The following STK32A variants were observed in gnomAD, a reference collection of about 807,000 sequenced individuals.
STK32A encodes serine/threonine kinase 32A.
A neutral mutation model predicts 53.2 loss-of-function variants in STK32A; 41 were observed. The ratio of observed to expected loss-of-function variants is 0.77; its 90% CI spans 0.60 to 1.00. The LOEUF is 1.00. Ranked by LOEUF, STK32A falls within the 50% of genes least tolerant of loss-of-function variation. The pLI is 0.00. For missense variants in STK32A, 458 were observed against 485.8 expected, an observed-to-expected ratio of 0.94 and a Z score of 0.54; for synonymous variants, 166 against 162.8, an observed-to-expected ratio of 1.02 and a Z score of -0.15.
rs554029132 is a variant in STK32A, at chr5:147,263,687, G to T, written c.53-14437G>T. Among the ~76,000 whole-genome samples the T allele has an allele frequency of 2.6e-4, 39 of 152,080 alleles. 1 individual carries two copies. The highest frequency in any genetic ancestry group is 9.2e-4 in the African/African-American group (38 of 41,520). On this transcript the variant is annotated intron_variant, in intron 2 of 12. Transcript: ENST00000397936. ...ATTTCCAGAATAATGAGCAAACAAA[G>T]ATATAAAATAAGGGTAAATATAAGA... is the stretch of plus-strand genomic sequence containing the variant.
At chr5:147,356,524 C>T (rs901674731) in intron 7 of STK32A, among the ~76,000 whole-genome samples, 1 of 152,008 alleles carries the variant, frequency 6.6e-6, no homozygotes, top group Admixed American at 6.6e-5. Context: ...ATGCCAGAGC[C>T]CTAACTCTTA....
At chr5:147,335,576 T>C (rs1185319760) in intron 5 of STK32A, among the ~76,000 whole-genome samples, 1 of 152,124 alleles carries the variant, frequency 6.6e-6, no homozygotes, top group Non-Finnish European at 1.5e-5. Context: ...CTCAAAACTT[T>C]CCCCAGGACA....
rs1219470888 is a variant in STK32A at position 147,373,293 on chromosome 5, A to T, written c.902A>T (p.Asn301Ile). The change falls in exon 10 of 13, where the codon AAT becomes ATT. Residue 301 changes from asparagine to isoleucine, a missense_variant and splice_region_variant. Physicochemically the swap from Asn to Ile is moderately radical, Grantham distance 149. Transcript: ENST00000397936. Reference protein sequence around the residue: ...QKRLIPGFIPNKGRLNCDPTF... With the variant: ...QKRLIPGFIPIKGRLNCDPTF... ...AGGCTCATTCCAGGTTTCATTCCTA[A>T]TGTGAGTCAATCCTAACAAAGCCAA... 1 of 1,613,144 alleles carries T rather than the reference A, an allele frequency of 6.2e-7. No homozygotes were observed. The highest frequency in any genetic ancestry group is 8.5e-7 in the Non-Finnish European group (1 of 1,179,420).
Position 147,375,200 on chromosome 5 carries a change from G to C in STK32A, c.1014G>C (p.Arg338Ser). The change falls in exon 11 of 13, where the codon AGG becomes AGC. Residue 338 changes from arginine (R) to serine (S), a missense_variant. Coordinates refer to ENST00000397936, the MANE Select transcript of STK32A (RefSeq NM_001112724.2). ...KRLAKKEKDM[R>S]KCDSSQTCLL... ...TGGCAAAGAAGGAGAAGGATATGAG[G>C]AAATGCGATTCTTCTCAGGTAAGCA... The C allele has an allele frequency of 6.2e-7, 1 of 1,610,416 alleles. No homozygotes were observed. The highest frequency in any genetic ancestry group is 1.3e-5 in the African/African-American group (1 of 74,916).
chr5:147,269,908 T>C (rs1754957886), intron 2 of STK32A, among the ~76,000 whole-genome samples: 1 of 152,208 alleles, frequency 6.6e-6, no homozygotes, highest in Admixed American at 6.5e-5. Flanking sequence ...AATCAGTTGT[T>C]TTAACTTTTA....
intron 5 of STK32A, among the ~76,000 whole-genome samples, chr5:147,335,274 G>A (rs1167543979): frequency 6.6e-6 from 1 of 152,102 alleles, no homozygotes; most frequent in East Asian, 1.9e-4. Context: ...GTCTCAGAAC[G>A]TTCTATTACC....
intron 5 of STK32A, among the ~76,000 whole-genome samples, chr5:147,338,958 A>G (rs541848922): frequency 1.3e-5 from 2 of 152,386 alleles, no homozygotes; most frequent in African/African-American, 4.8e-5. Context: ...ATAAAAGTTC[A>G]GAAAATTTAT....
At chr5:147,307,962 A>G (rs1055210734) in intron 4 of STK32A, among the ~76,000 whole-genome samples, 2 of 152,070 alleles carry the variant, frequency 1.3e-5, no homozygotes, top group African/African-American at 4.8e-5. Flanking sequence ...TCAGTAATTC[A>G]TCTTTGGATT....
At chr5:147,367,504 A>C (rs1413352876) in intron 8 of STK32A, among the ~76,000 whole-genome samples, 1 of 152,172 alleles carries the variant, frequency 6.6e-6, no homozygotes, top group East Asian at 1.9e-4. Context: ...CGAAAAGAGA[A>C]TCAGCGAAGG....
intron 4 of STK32A, among the ~76,000 whole-genome samples, chr5:147,316,488 A>G (rs79379503): frequency 6.6e-6 from 1 of 152,200 alleles, no homozygotes; most frequent in East Asian, 1.9e-4. Context: ...CTATGTTCCT[A>G]CTGGCTGAAG....
chr5:147,364,215 CAAAA>C (rs764357691), intron 8 of STK32A, among the ~76,000 whole-genome samples: 2 of 66,872 alleles, frequency 3.0e-5, no homozygotes, highest in Non-Finnish European at 6.1e-5. Flanking sequence ...AACTCCATCT[CAAAA>C]AAAAAAAAAA....
At chr5:147,326,112 C>T (rs1754574404) in intron 5 of STK32A, among the ~76,000 whole-genome samples, 1 of 152,176 alleles carries the variant, frequency 6.6e-6, no homozygotes, top group Non-Finnish European at 1.5e-5. Flanking sequence ...AAAACAACAA[C>T]AAAAATATTG....
In STK32A at chr5:147,355,087, G is replaced by C. The variant is rs118064880; in HGVS notation, c.562+3933G>C. On this transcript the variant is annotated intron_variant, in intron 7 of 12. Transcript: ENST00000397936. Reference sequence around the variant, plus strand: ...TAGGATACTAAGTAGCAATTCACCAGAAAGAACAAAAAGAATTCTAAAAAG... The same window carrying C: ...TAGGATACTAAGTAGCAATTCACCACAAAGAACAAAAAGAATTCTAAAAAG... Among the ~76,000 whole-genome samples, 59 of 152,170 alleles carry C rather than the reference G, an allele frequency of 3.9e-4. No individual in the cohort carries two copies. In the East Asian group the frequency reaches 0.011, roughly 27 times the overall value.
At chr5:147,396,020 G>C in the STK32A span, among the ~76,000 whole-genome samples, 2 of 152,206 alleles carry the variant, frequency 1.3e-5, no homozygotes, top group East Asian at 1.9e-4. Flanking sequence ...GGATACCGGG[G>C]AGTGGTGTGG....
intron 2 of STK32A, among the ~76,000 whole-genome samples, chr5:147,277,259 TCAAA>T (rs1751791783): frequency 6.6e-6 from 1 of 152,126 alleles, no homozygotes; most frequent in South Asian, 2.1e-4. Context: ...GGAAACAGAG[TCAAA>T]CATTTTCTCA....
At chr5:147,292,697 T>G (rs1752657726) in intron 4 of STK32A, among the ~76,000 whole-genome samples, 1 of 151,850 alleles carries the variant, frequency 6.6e-6, no homozygotes, top group Non-Finnish European at 1.5e-5. Flanking sequence ...GGAGAAACCC[T>G]CTAAAAATAC....
intron 4 of STK32A, among the ~76,000 whole-genome samples, chr5:147,298,067 C>T (rs1752951445): frequency 6.6e-6 from 1 of 151,372 alleles, no homozygotes; most frequent in South Asian, 2.1e-4. Context: ...TTTGTTGGAT[C>T]TGTATTTTTA....
At chr5:147,352,771 A>G (rs531158612) in intron 7 of STK32A, among the ~76,000 whole-genome samples, 1 of 152,198 alleles carries the variant, frequency 6.6e-6, no homozygotes, top group Non-Finnish European at 1.5e-5. Flanking sequence ...AAGTTTGATG[A>G]GTTTGGGGGC....
chr5:147,387,630 A>G lies in STK32A; in HGVS notation c.*3647A>G, dbSNP rs1239064386. ...GTTGTCCCTGTATTGTCTACATAAA[A>G]TCCTGTTTCCTGCTATCTGTCTGTG... On this transcript the variant is annotated 3_prime_UTR_variant, in exon 13 of 13. Coordinates refer to ENST00000397936, the MANE Select transcript of STK32A (RefSeq NM_001112724.2). The G allele has an allele frequency of 6.6e-6, 1 of 152,232 alleles. No individual in the cohort carries two copies. The highest frequency in any genetic ancestry group is 2.4e-5 in the African/African-American group (1 of 41,452). 9.4% of individuals were successfully genotyped at this position (152,232 alleles called of 1,614,324 possible). A position where few individuals can be genotyped will look rare whatever the true frequency, so the allele number is the denominator to read the frequency against.
Sources: gnomAD v4.1 joint callset for allele counts (sites outside exome capture counted in the v4.1 genomes callset) on GRCh38, gnomAD v4.1.1 for gene constraint, MANE v1.5 for transcripts, NCBI Gene and HGNC (gene_info 2026-07-23, HGNC 2026-07-21) for gene names.